MEI4: variants seen among roughly 807,000 people sequenced by gnomAD.
The protein encoded by MEI4 is meiosis-specific protein MEI4.
A neutral mutation model predicts 31.4 loss-of-function variants in MEI4; 27 were observed. The observed-to-expected ratio is 0.86, with a 90% CI of 0.63 to 1.19. The LOEUF (loss-of-function observed/expected upper bound fraction) is 1.19. Among genes scored for constraint, MEI4 ranks in the 50% most tolerant of loss-of-function variants. The pLI, the probability that MEI4 is intolerant of heterozygous loss-of-function variation, is 0.00. For missense variants in MEI4, 329 were observed against 398.9 expected, an observed-to-expected ratio of 0.82 and a Z score of 1.49; for synonymous variants, 122 against 145.4, an observed-to-expected ratio of 0.84 and a Z score of 1.16.
chr6:77,810,398 G>T (rs1199427785), intron 3 of MEI4, among the ~76,000 whole-genome samples: 1 of 152,136 alleles, frequency 6.6e-6, no homozygotes, highest in Non-Finnish European at 1.5e-5. Flanking sequence ...AGTCTGTCAT[G>T]ATTAGACACT....
intron 3 of MEI4, among the ~76,000 whole-genome samples, chr6:77,770,781 A>C (rs1561982106): frequency 6.6e-6 from 1 of 152,134 alleles, no homozygotes; most frequent in Admixed American, 6.6e-5. Flanking sequence ...TCAACTCAAG[A>C]CGGACCAAAA....
chr6:77,735,799 C>T (rs2127670410), intron 2 of MEI4, among the ~76,000 whole-genome samples: 1 of 152,164 alleles, frequency 6.6e-6, no homozygotes, highest in Non-Finnish European at 1.5e-5. Context: ...TGGTGACGTA[C>T]AGATGGGTTT....
At chr6:77,855,137 G>A (rs867338986) in intron 4 of MEI4, among the ~76,000 whole-genome samples, 28 of 152,116 alleles carry the variant, frequency 1.8e-4, no homozygotes, top group African/African-American at 6.8e-4. Flanking sequence ...GAGGTCAGGA[G>A]TTTGAGACCA....
chr6:77,794,022 TAAG>T lies in MEI4; in HGVS notation c.768+32362_768+32364del, dbSNP rs369293950. Among the ~76,000 whole-genome samples, 456 of 151,942 alleles carry T rather than the reference TAAG, an allele frequency of 3.0e-3. 2 individuals carry two copies. Among genetic ancestry groups the T allele is most frequent in the African/African-American group, 8.1e-3 (335 of 41,430 alleles). ...ATGAATAGATTAAAAAAACAAAAAATAAGAAGATTCTACCACATGGCTGCCTAC... is the reference window on the plus strand; with the variant it reads ...ATGAATAGATTAAAAAAACAAAAAATAAGATTCTACCACATGGCTGCCTAC... On this transcript the variant is annotated intron_variant, in intron 3 of 4. Coordinates refer to ENST00000684080, the MANE Select transcript of MEI4 (RefSeq NM_001322247.2).
At position 77,698,849 on chromosome 6, in the gene MEI4, A is replaced by G. The variant is rs550795427; in HGVS notation, c.232+7946A>G. 2.1e-3 allele frequency among the ~76,000 whole-genome samples: 321 copies of G among 152,292 alleles called. 2 individuals are homozygous for G. The highest frequency in any genetic ancestry group is 7.6e-3 in the African/African-American group (315 of 41,548). Reference sequence around the variant, plus strand: ...GATTGGGGAAGTTCTCCTGGATAATATCCTGCAGAGTGTTTTCCAACTTGG... The same window carrying G: ...GATTGGGGAAGTTCTCCTGGATAATGTCCTGCAGAGTGTTTTCCAACTTGG... On this transcript the variant is annotated intron_variant, in intron 2 of 4. Transcript: ENST00000684080.
chr6:77,694,177 C>T (rs920795823), intron 2 of MEI4, among the ~76,000 whole-genome samples: 8 of 151,842 alleles, frequency 5.3e-5, no homozygotes, highest in Non-Finnish European at 1.0e-4. Flanking sequence ...TTATGCTAAA[C>T]ATTATTTGTT....
At chr6:77,814,145 CAT>C (rs1308717253) in intron 3 of MEI4, among the ~76,000 whole-genome samples, 5 of 151,984 alleles carry the variant, frequency 3.3e-5, no homozygotes, top group Non-Finnish European at 5.9e-5. Flanking sequence ...GTACATCTAA[CAT>C]AGGGGCATCT....
chr6:77,692,604 A>C (rs976205311), intron 2 of MEI4, among the ~76,000 whole-genome samples: 1 of 152,106 alleles, frequency 6.6e-6, no homozygotes, highest in Non-Finnish European at 1.5e-5. Flanking sequence ...ATGTAGGAAT[A>C]AATTCAGAGT....
At chr6:77,650,551 C>T (rs1768281848), upstream of MEI4, among the ~76,000 whole-genome samples, 1 of 152,190 alleles carries the variant, frequency 6.6e-6, no homozygotes. Flanking sequence ...TTGAGGGCGC[C>T]CTCCCCCGCT....
intron 3 of MEI4, among the ~76,000 whole-genome samples, chr6:77,816,599 A>G (rs897948315): frequency 1.3e-5 from 2 of 152,140 alleles, no homozygotes; most frequent in African/African-American, 2.4e-5. Flanking sequence ...CGCAATAAAC[A>G]TAGGTGTGCA....
intron 3 of MEI4, among the ~76,000 whole-genome samples, chr6:77,808,508 T>C (rs949120216): frequency 1.3e-5 from 2 of 152,008 alleles, no homozygotes; most frequent in African/African-American, 2.4e-5. Flanking sequence ...TAAGAGACAG[T>C]GTAAAAAAAA....
chr6:77,856,061 G>C (rs575740655), intron 4 of MEI4, among the ~76,000 whole-genome samples: 15 of 151,968 alleles, frequency 9.9e-5, no homozygotes, highest in African/African-American at 3.6e-4. Flanking sequence ...AAATCAGTTC[G>C]ACAATTTCCA....
chr6:77,789,003 A>G (rs1320099429), intron 3 of MEI4, among the ~76,000 whole-genome samples: 2 of 152,202 alleles, frequency 1.3e-5, no homozygotes, highest in East Asian at 1.9e-4. Flanking sequence ...ACTTCAAACT[A>G]TACTACAAGG....
At chr6:77,869,603 A>G (rs1053094957) in intron 4 of MEI4, among the ~76,000 whole-genome samples, 1 of 152,112 alleles carries the variant, frequency 6.6e-6, no homozygotes, top group African/African-American at 2.4e-5. Flanking sequence ...TTGGGCTTCC[A>G]GTCTCTAGAA....
At chr6:77,771,635 A>G (rs1185131029) in intron 3 of MEI4, among the ~76,000 whole-genome samples, 3 of 152,126 alleles carry the variant, frequency 2.0e-5, no homozygotes, top group Non-Finnish European at 2.9e-5. Context: ...TGTTCATTGC[A>G]GCAACATGGA....
intron 4 of MEI4, among the ~76,000 whole-genome samples, chr6:77,844,416 G>A (rs954425671): frequency 2.4e-4 from 37 of 152,092 alleles, no homozygotes; most frequent in Non-Finnish European, 4.9e-4. Flanking sequence ...GAACATAACA[G>A]AAGCCTTCCA....
At chr6:77,822,614 C>T (rs960496922) in intron 3 of MEI4, among the ~76,000 whole-genome samples, 1 of 4,766 alleles carries the variant, frequency 2.1e-4, no homozygotes, top group African/African-American at 4.1e-3. Context: ...ATTTGGATAC[C>T]CCCCCCCCCT....
intron 3 of MEI4, among the ~76,000 whole-genome samples, chr6:77,777,333 C>T (rs548096161): frequency 3.0e-4 from 45 of 152,056 alleles, no homozygotes; most frequent in Non-Finnish European, 2.2e-4. Flanking sequence ...ATTAGCTCTA[C>T]TAGTTACCTC....
intron 4 of MEI4, among the ~76,000 whole-genome samples, chr6:77,884,535 A>G (rs1262044359): frequency 6.6e-6 from 1 of 152,132 alleles, no homozygotes; most frequent in African/African-American, 2.4e-5. Flanking sequence ...TTTATATATC[A>G]TGAGAGATAG....
Sources: allele counts gnomAD v4.1 joint callset (sites outside exome capture counted in the v4.1 genomes callset), GRCh38; gene constraint gnomAD v4.1.1; transcripts MANE v1.5; gene names NCBI Gene and HGNC (gene_info 2026-07-23, HGNC 2026-07-21).